Variants in AGBL4 observed in about 807,000 individuals in gnomAD.
The protein encoded by AGBL4 is AGBL carboxypeptidase 4, also known as cytosolic carboxypeptidase 6.
In AGBL4, 58 loss-of-function variants were observed where a neutral mutation model predicts 66.4. That is an observed-to-expected ratio of 0.87 (90% CI 0.71 to 1.09). The LOEUF is 1.09. AGBL4 is among the 50% of genes least tolerant of loss of function. AGBL4 has a pLI of 0.00. For synonymous variants in AGBL4, 234 were observed against 222.9 expected, an observed-to-expected ratio of 1.05 and a Z score of -0.44; for missense variants, 579 against 631.0, an observed-to-expected ratio of 0.92 and a Z score of 0.88.
chr1:48,923,168 A>G (rs1654240218), intron 5 of AGBL4, among the ~76,000 whole-genome samples: 1 of 152,104 alleles, frequency 6.6e-6, no homozygotes, highest in South Asian at 2.1e-4. Flanking sequence ...CTGACTTTCC[A>G]ACGCTTCCAT....
At chr1:48,702,414 C>T (rs1232277263) in intron 6 of AGBL4, among the ~76,000 whole-genome samples, 1 of 152,140 alleles carries the variant, frequency 6.6e-6, no homozygotes, top group Non-Finnish European at 1.5e-5. Context: ...GCCTCAGCCT[C>T]CCAAGTAGCT....
chr1:49,169,692 G>A (rs971235003), intron 4 of AGBL4, among the ~76,000 whole-genome samples: 1 of 152,088 alleles, frequency 6.6e-6, no homozygotes, highest in African/African-American at 2.4e-5. Flanking sequence ...GTGATTCTAT[G>A]TGCCGGGCAC....
chr1:48,758,024 C>T (rs555849675), intron 6 of AGBL4, among the ~76,000 whole-genome samples: 94 of 152,250 alleles, frequency 6.2e-4, no homozygotes, highest in African/African-American at 2.1e-3. Context: ...TCATTTCTTC[C>T]GGCAGTCAAA....
At chr1:49,192,932 C>A (rs962715197) in intron 4 of AGBL4, among the ~76,000 whole-genome samples, 1 of 152,170 alleles carries the variant, frequency 6.6e-6, no homozygotes, top group Non-Finnish European at 1.5e-5. Context: ...ATTTTTATTT[C>A]TTCCTGGTTC....
chr1:49,307,571 T>C (rs530547032), intron 3 of AGBL4, among the ~76,000 whole-genome samples: 9 of 152,262 alleles, frequency 5.9e-5, no homozygotes, highest in South Asian at 4.2e-4. Context: ...GTTGAGAACA[T>C]AGAACATATT....
intron 9 of AGBL4, among the ~76,000 whole-genome samples, chr1:48,616,634 GT>G (rs1645323457): frequency 6.6e-6 from 1 of 152,204 alleles, no homozygotes; most frequent in African/African-American, 2.4e-5. Flanking sequence ...TGATAAAGGT[GT>G]GAGCATTAAG....
intron 6 of AGBL4, among the ~76,000 whole-genome samples, chr1:48,707,853 T>C (rs1176111435): frequency 4.6e-5 from 7 of 152,296 alleles, no homozygotes; most frequent in African/African-American, 1.7e-4. Context: ...TTCTGTTGTC[T>C]CATTTGAGTT....
At chr1:49,535,056 G>A (rs1254478547) in intron 3 of AGBL4, among the ~76,000 whole-genome samples, 1 of 152,070 alleles carries the variant, frequency 6.6e-6, no homozygotes, top group East Asian at 1.9e-4. Context: ...GAGTGAAAAG[G>A]ACTTTGTCTT....
At chr1:49,554,435 CATA>C (rs1206664027) in intron 3 of AGBL4, among the ~76,000 whole-genome samples, 1 of 152,074 alleles carries the variant, frequency 6.6e-6, no homozygotes, top group Non-Finnish European at 1.5e-5. Context: ...GTCTCAGAGA[CATA>C]ATAATAAAAC....
chr1:49,872,850 T>C (rs1646871758), intron 1 of AGBL4, among the ~76,000 whole-genome samples: 1 of 152,066 alleles, frequency 6.6e-6, no homozygotes, highest in Non-Finnish European at 1.5e-5. Context: ...AAATAAACTA[T>C]AGTATGCCTG....
chr1:49,118,797 G>C (rs1270352350), intron 4 of AGBL4, among the ~76,000 whole-genome samples: 1 of 152,148 alleles, frequency 6.6e-6, no homozygotes, highest in African/African-American at 2.4e-5. Flanking sequence ...TGTACCTCTG[G>C]TAGAATTCGG....
chr1:49,958,890 A>G (rs1006468002), intron 1 of AGBL4, among the ~76,000 whole-genome samples: 3 of 151,788 alleles, frequency 2.0e-5, no homozygotes, highest in African/African-American at 7.3e-5. Context: ...CCGATCATGG[A>G]TCACTTCTGA....
At chr1:49,879,322 C>A (rs1167610707) in intron 1 of AGBL4, among the ~76,000 whole-genome samples, 1 of 150,896 alleles carries the variant, frequency 6.6e-6, no homozygotes, top group Non-Finnish European at 1.5e-5. Context: ...CCATGTTTAG[C>A]GCTTCCTTCA....
chr1:49,419,349 C>A (rs1645494381), intron 3 of AGBL4, among the ~76,000 whole-genome samples: 1 of 152,096 alleles, frequency 6.6e-6, no homozygotes, highest in African/African-American at 2.4e-5. Flanking sequence ...ATCTTGACAA[C>A]AATTCTGTGA....
At chr1:49,133,635 G>C (rs1466408028) in intron 4 of AGBL4, among the ~76,000 whole-genome samples, 2 of 152,048 alleles carry the variant, frequency 1.3e-5, no homozygotes, top group Non-Finnish European at 2.9e-5. Context: ...AAACAGTTCA[G>C]CATGGCTGTA....
chr1:49,220,168 A>C (rs541026114), intron 4 of AGBL4, among the ~76,000 whole-genome samples: 16 of 152,300 alleles, frequency 1.1e-4, no homozygotes, highest in Admixed American at 7.9e-4. Flanking sequence ...CTCAGGGCTA[A>C]AATGAATTGG....
chr1:49,410,668 T>C (rs1330691064), intron 3 of AGBL4, among the ~76,000 whole-genome samples: 1 of 152,186 alleles, frequency 6.6e-6, no homozygotes, highest in Non-Finnish European at 1.5e-5. Context: ...GCTCTCTTGA[T>C]TTGCTGTCTT....
At chr1:48,640,662 G>A (rs907894637) in intron 8 of AGBL4, among the ~76,000 whole-genome samples, 1 of 152,134 alleles carries the variant, frequency 6.6e-6, no homozygotes, top group Non-Finnish European at 1.5e-5. Context: ...TTTGAACCCA[G>A]GTCTTGTTGA....
chr1:49,439,039 G>T (rs1645966840), intron 3 of AGBL4, among the ~76,000 whole-genome samples: 1 of 152,146 alleles, frequency 6.6e-6, no homozygotes, highest in Non-Finnish European at 1.5e-5. Flanking sequence ...TGTTACAATG[G>T]TAATTAAATT....
Sources: gnomAD v4.1 joint callset for allele counts (sites outside exome capture counted in the v4.1 genomes callset) on GRCh38, gnomAD v4.1.1 for gene constraint, MANE v1.5 for transcripts, NCBI Gene and HGNC (gene_info 2026-07-23, HGNC 2026-07-21) for gene names.